Variants in CCDC88C observed in about 807,000 individuals in gnomAD.
CCDC88C encodes the protein protein Daple.
CCDC88C carries 131 observed loss-of-function variants against 198.8 expected under a neutral mutation model. The observed-to-expected ratio is 0.66, with a 90% CI of 0.57 to 0.76. The LOEUF is 0.76. Among genes scored for constraint, CCDC88C ranks in the 30% least tolerant of loss-of-function variants. CCDC88C has a pLI of 0.00. For missense variants in CCDC88C, 2,553 were observed against 2,631.6 expected (o/e 0.97, Z 0.65); for synonymous variants, 1,166 against 1,114.7 (o/e 1.05, Z -0.92).
chr14:91,291,177 G>A (rs918391403), intron 23 of CCDC88C, 93 bp from the exon 24 acceptor site: 22 of 726,738 alleles, frequency 3.0e-5, no homozygotes, highest in Admixed American at 2.7e-4. Flanking sequence ...TGGTGTACCC[G>A]GGGCTGGTAT....
Position 91,339,518 on chromosome 14 carries a change from C to T in CCDC88C, c.625-56G>A, listed in dbSNP as rs1285791. 0.011 allele frequency: 16,357 copies of T among 1,509,808 alleles called. 123 individuals carry two copies. The highest frequency in any genetic ancestry group is 0.03 in the Middle Eastern group (171 of 5,768). The allele number at this position is 1,509,808 out of a possible 1,614,324, so 93.5% of individuals were successfully genotyped here. A position where few individuals can be genotyped will look rare whatever the true frequency, so the allele number is the denominator to read the frequency against. On this transcript the variant is annotated intron_variant, in intron 7 of 29. Transcript: ENST00000389857. This position sits in a 1 kb window ranked among gnomAD's most constrained non-coding sequence, Gnocchi z 5.8. The stretch of plus-strand genomic sequence containing the variant: ...GAACAAACGGGGTTAACCAGCACAA[C>T]GCCTGAGCTTGAACAGGGTGAAGAA...
chr14:91,316,675 T>G (rs887523031), intron 13 of CCDC88C, among the ~76,000 whole-genome samples: 1 of 152,220 alleles, frequency 6.6e-6, no homozygotes, highest in Non-Finnish European at 1.5e-5. Flanking sequence ...TCTCCCAAAG[T>G]GCTGGGGTTA....
At position 91,313,057 on chromosome 14, in the gene CCDC88C, A is replaced by G; in HGVS notation, c.2736+23T>C. On this transcript the variant is annotated intron_variant, in intron 15 of 29. Transcript: ENST00000389857. The surrounding 1 kb of genome is among the most constrained non-coding windows in gnomAD (Gnocchi z 5.2). ...TACCACCATCTGCCAATCCCCTTAC[A>G]GGCGCCGCCTGTGTTTGCTCACCTC... 6.5e-7 allele frequency: 1 copy of G among 1,544,244 alleles called. No individual in the cohort carries two copies. Among genetic ancestry groups the G allele is most frequent in the Non-Finnish European group, 8.8e-7 (1 of 1,140,704 alleles).
chr14:91,395,714 G>T (rs1364608924), intron 3 of CCDC88C, among the ~76,000 whole-genome samples: 1 of 151,974 alleles, frequency 6.6e-6, no homozygotes, highest in Admixed American at 6.6e-5. Flanking sequence ...GGATTGCCCA[G>T]CTGCAGCTAA....
intron 12 of CCDC88C, among the ~76,000 whole-genome samples, chr14:91,323,978 T>C (rs1834395575): frequency 6.6e-6 from 1 of 152,182 alleles, no homozygotes; most frequent in Non-Finnish European, 1.5e-5. Flanking sequence ...CCAGAATGCT[T>C]AGATGTCTAT....
intron 5 of CCDC88C, among the ~76,000 whole-genome samples, chr14:91,342,988 G>A (rs1341418987): frequency 2.6e-5 from 4 of 152,240 alleles, no homozygotes; most frequent in Non-Finnish European, 4.4e-5. Context: ...AGAGGGTCTC[G>A]CTGTCACCCA....
intron 3 of CCDC88C, among the ~76,000 whole-genome samples, chr14:91,388,121 C>T (rs1885256813): frequency 1.3e-5 from 2 of 152,334 alleles, no homozygotes; most frequent in South Asian, 4.1e-4. Context: ...AACCATCCCC[C>T]TTAGAGTCAC....
intron 17 of CCDC88C, among the ~76,000 whole-genome samples, chr14:91,308,129 G>A (rs527588330): frequency 5.3e-5 from 8 of 152,320 alleles, no homozygotes; most frequent in African/African-American, 1.9e-4. Context: ...GCTGCTCTAG[G>A]CCACTGCCCG....
intron 3 of CCDC88C, among the ~76,000 whole-genome samples, chr14:91,373,086 G>T (rs1894897021): frequency 6.6e-6 from 1 of 152,178 alleles, no homozygotes; most frequent in Non-Finnish European, 1.5e-5. Context: ...CTACCTGTGT[G>T]TGCGAGGAGT....
chr14:91,296,544 C>T lies in CCDC88C; in HGVS notation c.3966+761G>A, dbSNP rs374838714. On this transcript the variant is annotated intron_variant, in intron 22 of 29. Coordinates refer to ENST00000389857, the MANE Select transcript of CCDC88C (RefSeq NM_001080414.4). ...TCCACCCCCGTGGGGCCCTCAGGGT[C>T]CCAGGGTCTCTCATTCTCAGGGGGC... is the stretch of plus-strand genomic sequence containing the variant. 3.3e-5 allele frequency among the ~76,000 whole-genome samples: 5 copies of T among 152,316 alleles called. No homozygotes were observed. The South Asian group carries it at 1.0e-3, about 32-fold the overall frequency.
At position 91,272,724 on chromosome 14, in the gene CCDC88C, C is replaced by T. The variant is rs1177548299; in HGVS notation, c.5988G>A (p.Leu1996=). 6.2e-7 allele frequency: 1 copy of T among 1,610,630 alleles called. No individual in the cohort carries two copies. The highest frequency in any genetic ancestry group is 8.5e-7 in the Non-Finnish European group (1 of 1,179,554). Residue 1996 remains leucine (L), a synonymous_variant, in exon 30 of 30, where the codon CTG becomes CTA. Coordinates refer to ENST00000389857, the MANE Select transcript of CCDC88C (RefSeq NM_001080414.4). ...AGACGCTCCCTCGACTGCAGTCCTC[C>T]AGGGCCCGGCCGAGGTGGGGAGCCA... ...PDLAPHLGRA[L]EDCSRGSVSK...
In CCDC88C at chr14:91,294,938, G is replaced by A. The variant is rs548200937; in HGVS notation, c.3967-620C>T. On this transcript the variant is annotated intron_variant, in intron 22 of 29. Coordinates refer to ENST00000389857, the MANE Select transcript of CCDC88C (RefSeq NM_001080414.4). Reference sequence around the variant, plus strand: ...CTCCCAAAGTGCTGGGATTACAGGCGTGAACCACCGCGCCTGGCCTGAAGT... The same window carrying A: ...CTCCCAAAGTGCTGGGATTACAGGCATGAACCACCGCGCCTGGCCTGAAGT... Among the ~76,000 whole-genome samples, 222 of 152,352 alleles carry A rather than the reference G, an allele frequency of 1.5e-3. 1 individual carries two copies. The highest frequency in any genetic ancestry group is 5.1e-3 in the African/African-American group (211 of 41,582).
intron 3 of CCDC88C, among the ~76,000 whole-genome samples, chr14:91,368,839 C>A (rs1894655792): frequency 6.6e-6 from 1 of 152,194 alleles, no homozygotes. Context: ...CAGAAGCAGC[C>A]CCTGAATGCA....
Position 91,338,129 on chromosome 14 carries a change from C to A in CCDC88C, c.926G>T (p.Arg309Leu). 2 of 1,613,906 alleles carry A rather than the reference C, an allele frequency of 1.2e-6. No homozygotes were observed. Among genetic ancestry groups the A allele is most frequent in the Non-Finnish European group, 1.7e-6 (2 of 1,179,894 alleles). ...GGAATCCAGCTCGTCTCGATAGGCA[C>A]GAGCAGACCGGGCGTCTGCCGCTAG... ...IQLAADARSA[R>L]AYRDELDSLR... Residue 309 changes from arginine (R) to leucine (L), a missense_variant, in exon 10 of 30, where the codon CGT becomes CTT. By Grantham distance (102) the Arg-to-Leu change is moderately radical. This residue lies in a region of CCDC88C where 1,260 missense variants were observed against 1,412.0 expected (regional missense o/e 0.89). Coordinates refer to ENST00000389857, the MANE Select transcript of CCDC88C (RefSeq NM_001080414.4). The surrounding 1 kb of genome is among the most constrained non-coding windows in gnomAD (Gnocchi z 4.8).
At chr14:91,386,758 C>A (rs867813234) in intron 3 of CCDC88C, among the ~76,000 whole-genome samples, 14 of 152,208 alleles carry the variant, frequency 9.2e-5, no homozygotes, top group Non-Finnish European at 1.9e-4. Context: ...TAGAGGCCAG[C>A]ACACTTTCTC....
chr14:91,293,473 T>TGCCACAGCTCACCTTCCCATCCTCACCC lies in CCDC88C; in HGVS notation c.4112+699_4112+700insGGGTGAGGATGGGAAGGTGAGCTGTGGC, dbSNP rs1567055473. 2.1e-3 allele frequency among the ~76,000 whole-genome samples: 3 copies of TGCCACAGCTCACCTTCCCATCCTCACCC among 1,400 alleles called. 1 individual carries two copies. Among genetic ancestry groups the TGCCACAGCTCACCTTCCCATCCTCACCC allele is most frequent in the Non-Finnish European group, 4.8e-3 (3 of 630 alleles). 0.9% of individuals were successfully genotyped at this position (1,400 alleles called of 152,430 possible). Reference sequence around the variant, plus strand: ...CACGGTCCACCTTCCCATCCTCACCTGCCACAGCTCACCTTCCCATCCTCA... The same window carrying TGCCACAGCTCACCTTCCCATCCTCACCC: ...CACGGTCCACCTTCCCATCCTCACCTGCCACAGCTCACCTTCCCATCCTCACCCGCCACAGCTCACCTTCCCATCCTCA... On this transcript the variant is annotated intron_variant, in intron 23 of 29. Coordinates refer to ENST00000389857, the MANE Select transcript of CCDC88C (RefSeq NM_001080414.4).
chr14:91,283,529 G>A lies in CCDC88C; in HGVS notation c.4442-12C>T. On this transcript the variant is annotated splice_polypyrimidine_tract_variant and intron_variant, in intron 25 of 29. Coordinates refer to ENST00000389857, the MANE Select transcript of CCDC88C (RefSeq NM_001080414.4). ...TAGATCCCCAGGGCCTGAGGCAGAAGAGGACATTGAGAAATGAGGCTGCCA... is the reference window on the plus strand; with the variant it reads ...TAGATCCCCAGGGCCTGAGGCAGAAAAGGACATTGAGAAATGAGGCTGCCA... The A allele has an allele frequency of 6.2e-7, 1 of 1,600,732 alleles. No individual in the cohort carries two copies. The highest frequency in any genetic ancestry group is 8.5e-7 in the Non-Finnish European group (1 of 1,173,374).
chr14:91,335,764 A>T (rs567265727), intron 10 of CCDC88C, among the ~76,000 whole-genome samples: 2 of 152,342 alleles, frequency 1.3e-5, no homozygotes, highest in East Asian at 3.9e-4. Context: ...AAGAGGGACA[A>T]GGGAGGGAAT....
rs1294665679 is a variant in CCDC88C at position 91,408,774 on chromosome 14, G to A, written c.162-7C>T. ...ATTTGTGGGCCTGGGATCTCTAGGGGAAGAAACACGAGAATGGAAATTGCA... is the reference window on the plus strand; with the variant it reads ...ATTTGTGGGCCTGGGATCTCTAGGGAAAGAAACACGAGAATGGAAATTGCA... On this transcript the variant is annotated splice_region_variant and splice_polypyrimidine_tract_variant and intron_variant, in intron 2 of 29. Transcript: ENST00000389857. 9 of 1,587,254 alleles carry A rather than the reference G, an allele frequency of 5.7e-6. No individual in the cohort carries two copies. The highest frequency in any genetic ancestry group is 1.3e-5 in the African/African-American group (1 of 74,432).
Sources: gnomAD v4.1 joint callset for allele counts (sites outside exome capture counted in the v4.1 genomes callset) on GRCh38, gnomAD v4.1.1 for gene constraint, gnomAD v4.1.1 regional missense constraint, Gnocchi (gnomAD v3.1) non-coding constraint, MANE v1.5 for transcripts, NCBI Gene and HGNC (gene_info 2026-07-23, HGNC 2026-07-21) for gene names.